ATXN2: variants seen among roughly 807,000 people sequenced by gnomAD.
The protein encoded by ATXN2 is ataxin-2.
Under a neutral mutation model 138.6 loss-of-function variants are expected in ATXN2, and 37 were observed. That is an observed-to-expected ratio of 0.27 (90% CI 0.21 to 0.35). ATXN2 has a LOEUF of 0.35. Among genes scored for constraint, ATXN2 ranks in the 10% least tolerant of loss-of-function variants. The probability of loss-of-function intolerance (pLI) is 1.00; values close to 1 mark genes in which losing one functional copy is unlikely to be tolerated. For missense variants in ATXN2, 1,216 were observed against 1,480.3 expected, an observed-to-expected ratio of 0.82 and a Z score of 2.93; for synonymous variants, 549 against 543.7, an observed-to-expected ratio of 1.01 and a Z score of -0.13.
At chr12:111,452,949 A>G in intron 24 of ATXN2, 109 bp from the exon 25 acceptor site, 1 of 1,305,248 alleles carries the variant, frequency 7.7e-7, no homozygotes, top group South Asian at 2.3e-5. Context: ...GCTGAACAAA[A>G]CTCAAAATTG....
chr12:111,453,923 G>C lies in ATXN2; in HGVS notation c.3271-78C>G. The C allele has an allele frequency of 6.9e-7, 1 of 1,454,832 alleles. No individual in the cohort carries two copies. The highest frequency in any genetic ancestry group is 9.3e-7 in the Non-Finnish European group (1 of 1,075,078). The allele number at this position is 1,454,832 out of a possible 1,614,324, so 90.1% of individuals were successfully genotyped here. ...CATGTCAACTGTGTTCCTTTCACTG[G>C]GCTGGGACTCTCAGGAAAGGGCAAC... is the stretch of plus-strand genomic sequence containing the variant. On this transcript the variant is annotated intron_variant, in intron 23 of 24. Coordinates refer to ENST00000673436, the MANE Select transcript of ATXN2 (RefSeq NM_001372574.1). This position sits in a 1 kb window ranked among gnomAD's most constrained non-coding sequence, Gnocchi z 5.4.
intron 5 of ATXN2, among the ~76,000 whole-genome samples, chr12:111,543,253 G>GTGAC (rs1881625565): frequency 6.6e-6 from 1 of 152,150 alleles, no homozygotes; most frequent in African/African-American, 2.4e-5. Context: ...ACGCCGTTCA[G>GTGAC]AAGAGATCCC....
At chr12:111,490,676 C>A (rs1176081517) in intron 14 of ATXN2, among the ~76,000 whole-genome samples, 1 of 152,148 alleles carries the variant, frequency 6.6e-6, no homozygotes, top group South Asian at 2.1e-4. Context: ...ATCACAGTAC[C>A]CAGTTTTGAC....
At chr12:111,597,767 C>T (rs1885009731) in intron 1 of ATXN2, 1 of 1,019,032 alleles carries the variant, frequency 9.8e-7, no homozygotes, top group Non-Finnish European at 1.3e-6. Context: ...CTTCAGGAAC[C>T]CGACCACGTC....
At chr12:111,535,903 G>T (rs1331052135) in intron 5 of ATXN2, among the ~76,000 whole-genome samples, 4 of 150,312 alleles carry the variant, frequency 2.7e-5, no homozygotes, top group Admixed American at 2.6e-4. Context: ...GGGAGGCTGA[G>T]GCAGGAGAAT....
intron 1 of ATXN2, among the ~76,000 whole-genome samples, chr12:111,578,610 G>A (rs909870587): frequency 5.7e-4 from 87 of 152,140 alleles, no homozygotes; most frequent in African/African-American, 2.0e-3. Flanking sequence ...TAAGATCACC[G>A]AAAAAATTTC....
At chr12:111,462,658 C>CT (rs1017916202) in intron 21 of ATXN2, among the ~76,000 whole-genome samples, 3 of 152,204 alleles carry the variant, frequency 2.0e-5, no homozygotes. Flanking sequence ...CTGATACTCC[C>CT]TTTTAGGGGA....
rs1447382935 is a variant in ATXN2, at chr12:111,561,180, G to A, written c.252-5261C>T. 5.4e-5 allele frequency among the ~76,000 whole-genome samples: 8 copies of A among 147,770 alleles called. No homozygotes were observed. In the South Asian group the frequency reaches 6.5e-4, roughly 12 times the overall value. On this transcript the variant is annotated intron_variant, in intron 1 of 24. Coordinates refer to ENST00000673436, the MANE Select transcript of ATXN2 (RefSeq NM_001372574.1). Reference sequence around the variant, plus strand: ...AGCCTGGGCAATACAGCGAGACTCCGCCTCAAAAAAAAAAAATAAATGAAC... The same window carrying A: ...AGCCTGGGCAATACAGCGAGACTCCACCTCAAAAAAAAAAAATAAATGAAC...
chr12:111,475,921 A>T (rs1876784532), intron 18 of ATXN2, among the ~76,000 whole-genome samples: 1 of 152,104 alleles, frequency 6.6e-6, no homozygotes, highest in South Asian at 2.1e-4. Flanking sequence ...CCATAATGGA[A>T]TTACATTATT....
chr12:111,507,186 T>C (rs1449468241), intron 14 of ATXN2, among the ~76,000 whole-genome samples: 5 of 149,484 alleles, frequency 3.3e-5, no homozygotes, highest in African/African-American at 1.2e-4. Context: ...GAGGAGCACC[T>C]CTTCCCGGCC....
At chr12:111,585,782 C>T (rs1277433003) in intron 1 of ATXN2, among the ~76,000 whole-genome samples, 1 of 82,716 alleles carries the variant, frequency 1.2e-5, no homozygotes, top group Non-Finnish European at 2.2e-5. Context: ...GCCTGGGTGA[C>T]AAGAGCAAAA....
chr12:111,585,485 C>T (rs992364051), intron 1 of ATXN2, among the ~76,000 whole-genome samples: 5 of 149,240 alleles, frequency 3.4e-5, no homozygotes, highest in African/African-American at 1.2e-4. Context: ...TGCACTCCAG[C>T]CTGGGCAACA....
rs539444298 is a variant in ATXN2, at chr12:111,466,674, A to C, written c.2843-1959T>G. 2.0e-5 allele frequency among the ~76,000 whole-genome samples: 3 copies of C among 152,340 alleles called. No individual in the cohort carries two copies. The South Asian group carries it at 6.2e-4, about 32-fold the overall frequency. ...AACATACTAAAAATTTAAAAACAAT[A>C]ATCAGGATTTCATTTTGCAGTCATT... On this transcript the variant is annotated intron_variant, in intron 20 of 24. Coordinates refer to ENST00000673436, the MANE Select transcript of ATXN2 (RefSeq NM_001372574.1).
In ATXN2 at chr12:111,552,881, G is replaced by A. The variant is rs755771909; in HGVS notation, c.420+25C>T. 2.5e-5 allele frequency: 36 copies of A among 1,465,458 alleles called. No homozygotes were observed. Among genetic ancestry groups the A allele is most frequent in the Non-Finnish European group, 3.3e-5 (36 of 1,083,590 alleles). The allele number at this position is 1,465,458 out of a possible 1,614,324, so 90.8% of individuals were successfully genotyped here. A position where few individuals can be genotyped will look rare whatever the true frequency, so the allele number is the denominator to read the frequency against. On this transcript the variant is annotated intron_variant, in intron 4 of 24. Transcript: ENST00000673436. The surrounding 1 kb of genome is among the most constrained non-coding windows in gnomAD (Gnocchi z 4.1). ...ATGAAAATGTTCTTTTACTTTGTAAGAAAAAGAAAAAAAGTAAAAATTACC... is the reference window on the plus strand; with the variant it reads ...ATGAAAATGTTCTTTTACTTTGTAAAAAAAAGAAAAAAAGTAAAAATTACC...
intron 5 of ATXN2, among the ~76,000 whole-genome samples, chr12:111,529,784 AT>A (rs1369543219): frequency 2.6e-5 from 4 of 152,198 alleles, no homozygotes; most frequent in Non-Finnish European, 4.4e-5. Context: ...TTGTCTGAGC[AT>A]TTTTTAAAGG....
intron 1 of ATXN2, among the ~76,000 whole-genome samples, chr12:111,593,784 C>T (rs890334483): frequency 6.6e-6 from 1 of 152,200 alleles, no homozygotes; most frequent in African/African-American, 2.4e-5. Flanking sequence ...CTACAATTTA[C>T]CTCTAATGAC....
At chr12:111,468,716 T>TTTTG (rs1876204251) in intron 20 of ATXN2, 1 of 149,726 alleles carries the variant, frequency 6.7e-6, no homozygotes, top group Admixed American at 6.7e-5. Flanking sequence ...TTTTTTTTTT[T>TTTTG]TGGAGATGGA....
chr12:111,510,638 A>C (rs145705674), intron 11 of ATXN2, 56 bp from the exon 12 acceptor site: 153 of 1,479,216 alleles, frequency 1.0e-4, no homozygotes, highest in Non-Finnish European at 1.4e-4. Flanking sequence ...TTACTTCCTA[A>C]AAGAGGCTTC....
chr12:111,467,307 CTTTTTTTTTTTTT>C (rs61507608), intron 20 of ATXN2, among the ~76,000 whole-genome samples: 15 of 34,830 alleles, frequency 4.3e-4, no homozygotes, highest in South Asian at 1.2e-3. Flanking sequence ...CATGACTGGG[CTTTTTTTTTTTTT>C]TTTTTTTTTT....
Sources: allele counts gnomAD v4.1 joint callset (sites outside exome capture counted in the v4.1 genomes callset), GRCh38; gene constraint gnomAD v4.1.1; non-coding constraint Gnocchi (gnomAD v3.1); transcripts MANE v1.5; gene names NCBI Gene and HGNC (gene_info 2026-07-23, HGNC 2026-07-21).